SNTG2: variants seen among roughly 807,000 people sequenced by gnomAD.
The protein encoded by SNTG2 is gamma-2-syntrophin.
SNTG2 carries 74 observed loss-of-function variants against 70.9 expected under a neutral mutation model. That is an observed-to-expected ratio of 1.04 (90% CI 0.86 to 1.27). The LOEUF (loss-of-function observed/expected upper bound fraction) is 1.27. SNTG2 is among the 50% of genes most tolerant of loss of function. The pLI is 0.00. For missense variants in SNTG2, 717 were observed against 690.7 expected (o/e 1.04, Z -0.43); for synonymous variants, 278 against 273.8 (o/e 1.02, Z -0.15).
At chr2:1,057,520 C>G (rs1432742123) in intron 1 of SNTG2, among the ~76,000 whole-genome samples, 1 of 152,086 alleles carries the variant, frequency 6.6e-6, no homozygotes, top group Non-Finnish European at 1.5e-5. Flanking sequence ...GCATCCAGTG[C>G]GGGAGAAAGA....
At chr2:1,086,716 G>A (rs1318575446) in intron 2 of SNTG2, among the ~76,000 whole-genome samples, 1 of 152,046 alleles carries the variant, frequency 6.6e-6, no homozygotes, top group African/African-American at 2.4e-5. Flanking sequence ...GACAATTCAG[G>A]TTAAAAATGA....
chr2:1,059,089 A>G (rs1052653794), intron 1 of SNTG2: 2 of 152,214 alleles, frequency 1.3e-5, no homozygotes, highest in Non-Finnish European at 2.9e-5. Flanking sequence ...AAGCAAATAC[A>G]TCTTTCACCT....
At chr2:1,177,722 G>C (rs1671578205) in intron 8 of SNTG2, among the ~76,000 whole-genome samples, 1 of 151,972 alleles carries the variant, frequency 6.6e-6, no homozygotes, top group African/African-American at 2.4e-5. Context: ...ATTTCCAGTA[G>C]ACCAGCACTT....
intron 6 of SNTG2, among the ~76,000 whole-genome samples, chr2:1,155,404 A>G (rs1669824372): frequency 2.6e-5 from 4 of 152,034 alleles, no homozygotes; most frequent in Admixed American, 2.6e-4. Flanking sequence ...CCACATATAC[A>G]TGCCCCACAT....
Position 1,000,670 on chromosome 2 carries a change from A to G in SNTG2, c.72+49602A>G, listed in dbSNP as rs375823354. 2.6e-5 allele frequency among the ~76,000 whole-genome samples: 4 copies of G among 151,954 alleles called. No homozygotes were observed. In the East Asian group the frequency reaches 5.8e-4, roughly 22 times the overall value. On this transcript the variant is annotated intron_variant, in intron 1 of 16. Coordinates refer to ENST00000308624, the MANE Select transcript of SNTG2 (RefSeq NM_018968.4). Reference sequence around the variant, plus strand: ...AGTCCAGGATCAGACAGTTTCACAGATAAATTATACTAGATGTACAAAGAA... The same window carrying G: ...AGTCCAGGATCAGACAGTTTCACAGGTAAATTATACTAGATGTACAAAGAA...
intron 1 of SNTG2, among the ~76,000 whole-genome samples, chr2:1,072,935 T>C (rs1410015603): frequency 6.6e-6 from 1 of 152,126 alleles, no homozygotes; most frequent in Non-Finnish European, 1.5e-5. Context: ...GCAGATGTGG[T>C]AGAAATAGCA....
chr2:983,545 C>T (rs527332235), intron 1 of SNTG2, among the ~76,000 whole-genome samples: 1 of 152,324 alleles, frequency 6.6e-6, no homozygotes, highest in African/African-American at 2.4e-5. Context: ...TCTAACCCTC[C>T]GAAATAGTCA....
intron 1 of SNTG2, among the ~76,000 whole-genome samples, chr2:958,487 T>G (rs1207347803): frequency 6.6e-6 from 1 of 152,158 alleles, no homozygotes; most frequent in Non-Finnish European, 1.5e-5. Flanking sequence ...GATGGATTTT[T>G]CATAAAAAGA....
intron 1 of SNTG2, among the ~76,000 whole-genome samples, chr2:1,070,336 C>A (rs1046858589): frequency 6.6e-6 from 1 of 152,104 alleles, no homozygotes; most frequent in Non-Finnish European, 1.5e-5. Flanking sequence ...CGTTCAGATG[C>A]CATCACGTCA....
intron 9 of SNTG2, among the ~76,000 whole-genome samples, chr2:1,233,576 G>A (rs1028989256): frequency 1.3e-5 from 2 of 152,196 alleles, no homozygotes; most frequent in East Asian, 1.9e-4. Flanking sequence ...AGTCAAGAGC[G>A]CAGGAAGAAC....
At chr2:1,313,975 TAATCA>T in intron 15 of SNTG2, among the ~76,000 whole-genome samples, 1 of 152,308 alleles carries the variant, frequency 6.6e-6, no homozygotes, top group Middle Eastern at 3.4e-3. Flanking sequence ...ATAAAGACAA[TAATCA>T]TATACCTAAA....
chr2:1,014,480 A>G (rs1486950251), intron 1 of SNTG2, among the ~76,000 whole-genome samples: 2 of 90,906 alleles, frequency 2.2e-5, no homozygotes, highest in East Asian at 4.6e-4. Context: ...TTATAAGGAC[A>G]GAGAGAAGGG....
intron 11 of SNTG2, among the ~76,000 whole-genome samples, chr2:1,244,181 A>T (rs1162365887): frequency 6.6e-6 from 1 of 152,164 alleles, no homozygotes; most frequent in East Asian, 1.9e-4. Flanking sequence ...CAGAACTAGT[A>T]TTTGTTTCGT....
chr2:1,133,102 G>A (rs1572522621), intron 4 of SNTG2, among the ~76,000 whole-genome samples: 1 of 152,284 alleles, frequency 6.6e-6, no homozygotes, highest in Middle Eastern at 3.4e-3. Flanking sequence ...CCTTACACAT[G>A]GGGTTGTGAT....
At chr2:960,377 A>G (rs1371514652) in intron 1 of SNTG2, among the ~76,000 whole-genome samples, 1 of 152,192 alleles carries the variant, frequency 6.6e-6, no homozygotes, top group African/African-American at 2.4e-5. Flanking sequence ...TTTGTTGGGA[A>G]TGCTTCAGTG....
At chr2:1,091,509 G>A (rs896978403) in intron 2 of SNTG2, among the ~76,000 whole-genome samples, 11 of 152,172 alleles carry the variant, frequency 7.2e-5, no homozygotes, top group African/African-American at 2.2e-4. Flanking sequence ...AGGTCATGGC[G>A]GCCGGGGGCC....
At chr2:1,221,477 C>A (rs199657656) in intron 9 of SNTG2, among the ~76,000 whole-genome samples, 1 of 35,236 alleles carries the variant, frequency 2.8e-5, no homozygotes, top group Non-Finnish European at 5.6e-5. Context: ...CTCTCTGTCT[C>A]TCTCTCTCTC....
chr2:1,213,086 C>G (rs1674152406), intron 9 of SNTG2, among the ~76,000 whole-genome samples: 1 of 152,148 alleles, frequency 6.6e-6, no homozygotes, highest in Non-Finnish European at 1.5e-5. Flanking sequence ...CTTCTGGGTC[C>G]TTTCTAAAAA....
chr2:973,785 C>T (rs543598775), intron 1 of SNTG2, among the ~76,000 whole-genome samples: 100 of 152,148 alleles, frequency 6.6e-4, no homozygotes, highest in African/African-American at 2.3e-3. Context: ...TTCTTTCCTC[C>T]GCTGTGTCCA....
Sources: allele counts gnomAD v4.1 joint callset (sites outside exome capture counted in the v4.1 genomes callset), GRCh38; gene constraint gnomAD v4.1.1; transcripts MANE v1.5; gene names NCBI Gene and HGNC (gene_info 2026-07-23, HGNC 2026-07-21).